The following DGKG variants were observed in gnomAD, a reference collection of about 807,000 sequenced individuals.
The protein encoded by DGKG is diacylglycerol kinase gamma.
In DGKG, 78 loss-of-function variants were observed where a neutral mutation model predicts 105.3. That is an observed-to-expected ratio of 0.74 (90% confidence interval 0.62 to 0.89). The LOEUF is 0.89. DGKG is among the 40% of genes least tolerant of loss of function. The pLI, the probability that DGKG is intolerant of heterozygous loss-of-function variation, is 0.00. For missense variants in DGKG, 958 were observed against 1,020.1 expected, an observed-to-expected ratio of 0.94 and a Z score of 0.83; for synonymous variants, 346 against 367.1, an observed-to-expected ratio of 0.94 and a Z score of 0.66.
At chr3:186,243,055 TC>T (rs1342166217) in intron 19 of DGKG, among the ~76,000 whole-genome samples, 1 of 152,050 alleles carries the variant, frequency 6.6e-6, no homozygotes, top group African/African-American at 2.4e-5. Context: ...TAGGTCCCGT[TC>T]ACTCAGCTTC....
At chr3:186,154,011 C>T (rs1715903644) in intron 24 of DGKG, among the ~76,000 whole-genome samples, 1 of 152,124 alleles carries the variant, frequency 6.6e-6, no homozygotes, top group African/African-American at 2.4e-5. Flanking sequence ...GTGAGAGGAT[C>T]GCTTGAGCCT....
At chr3:186,303,112 C>A (rs1724056982) in intron 3 of DGKG, among the ~76,000 whole-genome samples, 1 of 152,192 alleles carries the variant, frequency 6.6e-6, no homozygotes, top group African/African-American at 2.4e-5. Flanking sequence ...CCCTGACACT[C>A]CCTCCCAGTA....
At chr3:186,153,657 T>C (rs1318779688) in intron 24 of DGKG, among the ~76,000 whole-genome samples, 1 of 152,206 alleles carries the variant, frequency 6.6e-6, no homozygotes, top group African/African-American at 2.4e-5. Flanking sequence ...TTGGGGGCTG[T>C]TTTCTGCAAA....
At chr3:186,341,474 A>C (rs76408443) in intron 1 of DGKG, among the ~76,000 whole-genome samples, 6,915 of 152,246 alleles carry the variant, frequency 0.045, 513 homozygotes, top group African/African-American at 0.16. Context: ...TAGTGAAACC[A>C]CCAACTCAGA....
rs935272082 is a variant in DGKG at position 186,160,138 on chromosome 3, C to T, written c.2277+1465G>A. On this transcript the variant is annotated intron_variant, in intron 24 of 24. Coordinates refer to ENST00000265022, the MANE Select transcript of DGKG (RefSeq NM_001346.3). ...TTTACATACGGATTTCTGGGCCTCA[C>T]ACTATGAAATCATTGGTTCACAAAT... 6.3e-6 allele frequency: 6 copies of T among 959,430 alleles called. No individual in the cohort carries two copies. The African/African-American group carries it at 1.1e-4, about 17-fold the overall frequency. The allele number at this position is 959,430 out of a possible 1,614,324, so 59.4% of individuals were successfully genotyped here.
At chr3:186,353,320 G>A (rs954833801) in intron 1 of DGKG, among the ~76,000 whole-genome samples, 3 of 151,820 alleles carry the variant, frequency 2.0e-5, no homozygotes, top group African/African-American at 4.8e-5. Flanking sequence ...TCAGGAGTTC[G>A]AGACCAGCCT....
chr3:186,297,062 T>TCACACACACACACACACA (rs1491170428), intron 5 of DGKG, among the ~76,000 whole-genome samples: 21 of 26,810 alleles, frequency 7.8e-4, no homozygotes, highest in African/African-American at 1.5e-3. Context: ...TGTCTGTCTG[T>TCACACACACACACACACA]CTCTCTCACA....
Position 186,164,952 on chromosome 3 carries a change from G to A in DGKG, c.2162C>T (p.Thr721Ile), listed in dbSNP as rs142329353. The A allele has an allele frequency of 7.9e-5, 127 of 1,613,826 alleles. No individual in the cohort carries two copies. The highest frequency in any genetic ancestry group is 1.0e-4 in the Non-Finnish European group (123 of 1,180,026). ...CCTCCTGCCTGCACTCTTCAGGCCG[G>A]TGTAGATCTGCCCCATCTCCATGGC... The part of the protein sequence containing the change: ...EGAMEMGQIY[T>I]GLKSAGRRLA... Residue 721 changes from threonine to isoleucine, a missense_variant, in exon 23 of 25, where the codon ACC (threonine) becomes ATC (isoleucine). Coordinates refer to ENST00000265022, the MANE Select transcript of DGKG (RefSeq NM_001346.3).
chr3:186,222,280 T>C (rs188652228), intron 20 of DGKG, among the ~76,000 whole-genome samples: 54 of 152,264 alleles, frequency 3.5e-4, no homozygotes, highest in Non-Finnish European at 4.6e-4. Flanking sequence ...AGAAACAATG[T>C]GATGTTGAGG....
chr3:186,278,519 TG>T (rs1429309551), intron 9 of DGKG, among the ~76,000 whole-genome samples: 1 of 152,156 alleles, frequency 6.6e-6, no homozygotes, highest in African/African-American at 2.4e-5. Flanking sequence ...GGTCTCAGTT[TG>T]TAAAAGAAAG....
intron 22 of DGKG, among the ~76,000 whole-genome samples, chr3:186,165,786 T>C: frequency 6.6e-6 from 1 of 152,234 alleles, no homozygotes; most frequent in East Asian, 1.9e-4. Flanking sequence ...CCCAGTTTCT[T>C]GTGAAAGCAG....
chr3:186,168,810 A>G (rs1716680459), intron 22 of DGKG, among the ~76,000 whole-genome samples: 1 of 152,180 alleles, frequency 6.6e-6, no homozygotes, highest in East Asian at 1.9e-4. Flanking sequence ...AGATTGTGCC[A>G]CTGCACTCCA....
At chr3:186,343,812 T>A (rs181943067) in intron 1 of DGKG, among the ~76,000 whole-genome samples, 118 of 152,280 alleles carry the variant, frequency 7.7e-4, no homozygotes, top group East Asian at 5.4e-3. Flanking sequence ...TAAAAAAAAA[T>A]TTCAAATTTG....
chr3:186,159,643 T>C (rs1252150742), intron 24 of DGKG: 2 of 152,254 alleles, frequency 1.3e-5, no homozygotes, highest in Non-Finnish European at 2.9e-5. Flanking sequence ...AATCACTTCT[T>C]AGTTGGTGTA....
intron 1 of DGKG, among the ~76,000 whole-genome samples, chr3:186,359,866 G>A (rs1038942384): frequency 6.6e-6 from 1 of 152,110 alleles, no homozygotes; most frequent in Non-Finnish European, 1.5e-5. Context: ...CAATGAACAT[G>A]AATTACTTTT....
rs377206288 is a variant in DGKG, at chr3:186,150,238, C to A, written c.2278-50G>T. ...ATTAGTGGCATGCAAATCTCAGTAG[C>A]CTAAGGGAGAGTGAGTCGCAGAGAA... On this transcript the variant is annotated intron_variant, in intron 24 of 24. Transcript: ENST00000265022. 6.3e-4 allele frequency: 987 copies of A among 1,570,362 alleles called. 1 individual carries two copies. Among genetic ancestry groups the A allele is most frequent in the Non-Finnish European group, 8.3e-4 (958 of 1,156,588 alleles).
intron 17 of DGKG, among the ~76,000 whole-genome samples, chr3:186,256,851 C>G (rs1721501594): frequency 6.6e-6 from 1 of 152,350 alleles, no homozygotes; most frequent in African/African-American, 2.4e-5. Flanking sequence ...CCAATGTTGT[C>G]TTCTCTGTCA....
intron 17 of DGKG, among the ~76,000 whole-genome samples, chr3:186,257,477 C>T (rs1221423428): frequency 1.3e-5 from 2 of 152,092 alleles, no homozygotes; most frequent in Admixed American, 1.3e-4. Flanking sequence ...GTGATTTGTC[C>T]CAGGCTATGA....
chr3:186,253,117 C>A lies in DGKG; in HGVS notation c.1576G>T (p.Ala526Ser), dbSNP rs1721303696. The A allele has an allele frequency of 1.2e-6, 2 of 1,614,202 alleles. No homozygotes were observed. The highest frequency in any genetic ancestry group is 1.3e-5 in the African/African-American group (1 of 75,044). ...VLPLGTGNDL[A>S]RCLRWGGGYE... ...CCTCCTCCCCAGCGGAGACAACGGG[C>A]AAGGTCATTTCCTGTTCCAAGAGGC... is the stretch of plus-strand genomic sequence containing the variant. Residue 526 changes from alanine (A) to serine (S), a missense_variant, in exon 18 of 25, where the codon GCC becomes TCC. Physicochemically the swap from Ala to Ser is moderately conservative, Grantham distance 99. This residue lies in a region of DGKG where 315 missense variants were observed against 400.6 expected (regional missense o/e 0.79). Transcript: ENST00000265022.
Sources: gnomAD v4.1 joint callset for allele counts (sites outside exome capture counted in the v4.1 genomes callset) on GRCh38, gnomAD v4.1.1 for gene constraint, gnomAD v4.1.1 regional missense constraint, MANE v1.5 for transcripts, NCBI Gene and HGNC (gene_info 2026-07-23, HGNC 2026-07-21) for gene names.